Variants in NKAIN2 observed in about 807,000 individuals in gnomAD.
The protein encoded by NKAIN2 is sodium/potassium transporting ATPase interacting 2, also known as sodium/potassium-transporting ATPase subunit beta-1-interacting protein 2.
Under a neutral mutation model 32.6 loss-of-function variants are expected in NKAIN2, and 14 were observed. The observed-to-expected ratio is 0.43, with a 90% CI of 0.28 to 0.67. The LOEUF is 0.67. Ranked by LOEUF, NKAIN2 falls within the 30% of genes least tolerant of loss-of-function variation. The pLI is 0.17. For missense variants in NKAIN2, 198 were observed against 258.3 expected, an observed-to-expected ratio of 0.77 and a Z score of 1.60; for synonymous variants, 80 against 87.2, an observed-to-expected ratio of 0.92 and a Z score of 0.46.
At chr6:124,123,712 A>T (rs1404498602) in intron 1 of NKAIN2, among the ~76,000 whole-genome samples, 2 of 152,166 alleles carry the variant, frequency 1.3e-5, no homozygotes, top group Admixed American at 1.3e-4. Flanking sequence ...TAGTTATGTT[A>T]TAAGTAAATA....
intron 3 of NKAIN2, among the ~76,000 whole-genome samples, chr6:124,561,104 A>G (rs1379993897): frequency 6.6e-6 from 1 of 152,098 alleles, no homozygotes; most frequent in Non-Finnish European, 1.5e-5. Flanking sequence ...CAGGGCACAG[A>G]GCAACAGTGA....
intron 1 of NKAIN2, among the ~76,000 whole-genome samples, chr6:124,247,563 ACT>A (rs1192528600): frequency 6.6e-6 from 1 of 151,888 alleles, no homozygotes; most frequent in Non-Finnish European, 1.5e-5. Flanking sequence ...GTCAAGAAAG[ACT>A]CTCCTGGAGG....
chr6:124,666,860 C>T (rs1772823010), intron 4 of NKAIN2, among the ~76,000 whole-genome samples: 2 of 152,058 alleles, frequency 1.3e-5, no homozygotes, highest in Non-Finnish European at 2.9e-5. Context: ...AGTTGTATAA[C>T]AAGCTGTTTT....
chr6:124,164,353 AT>A (rs1462299841), intron 1 of NKAIN2, among the ~76,000 whole-genome samples: 1 of 152,040 alleles, frequency 6.6e-6, no homozygotes, highest in East Asian at 1.9e-4. Flanking sequence ...TTTAAGGAAA[AT>A]AGTGATACTC....
intron 3 of NKAIN2, among the ~76,000 whole-genome samples, chr6:124,624,920 G>A (rs1034267679): frequency 2.3e-5 from 3 of 129,732 alleles, no homozygotes; most frequent in Admixed American, 7.7e-5. Context: ...ATAGACTAAA[G>A]TGTCTCATTT....
chr6:124,225,392 C>T (rs1382305959), intron 1 of NKAIN2, among the ~76,000 whole-genome samples: 1 of 151,926 alleles, frequency 6.6e-6, no homozygotes, highest in African/African-American at 2.4e-5. Context: ...AATGAGAATG[C>T]TTCTTTCCTA....
At chr6:124,295,009 G>A (rs1795987843) in intron 2 of NKAIN2, among the ~76,000 whole-genome samples, 1 of 152,108 alleles carries the variant, frequency 6.6e-6, no homozygotes. Flanking sequence ...TTATGGGAGT[G>A]TCATGCACTT....
chr6:123,961,134 A>C (rs1777828307), intron 1 of NKAIN2, among the ~76,000 whole-genome samples: 1 of 152,104 alleles, frequency 6.6e-6, no homozygotes, highest in Non-Finnish European at 1.5e-5. Flanking sequence ...AGTGACTAGA[A>C]TTGCAGGTTG....
Position 124,012,331 on chromosome 6 carries a change from A to G in NKAIN2, c.54+208077A>G, listed in dbSNP as rs1582927144. Among the ~76,000 whole-genome samples the G allele has an allele frequency of 1.1e-4, 14 of 124,612 alleles. No individual in the cohort carries two copies. In the Admixed American group the frequency reaches 1.3e-3, roughly 12 times the overall value. The allele number at this position is 124,612 out of a possible 152,430, so 81.8% of individuals were successfully genotyped here. On this transcript the variant is annotated intron_variant, in intron 1 of 6. Coordinates refer to ENST00000368417, the MANE Select transcript of NKAIN2 (RefSeq NM_001040214.3). Reference sequence around the variant, plus strand: ...TTTTGCATGGCTTCTTTCACTCTACATGATTTTTTTTTTTTTTTTTTTGAG... The same window carrying G: ...TTTTGCATGGCTTCTTTCACTCTACGTGATTTTTTTTTTTTTTTTTTTGAG...
chr6:124,795,653 G>A (rs1382759457), intron 5 of NKAIN2, among the ~76,000 whole-genome samples: 5 of 152,134 alleles, frequency 3.3e-5, no homozygotes, highest in Non-Finnish European at 7.4e-5. Context: ...AGTTTTGGGG[G>A]CTGGAAAGTC....
chr6:124,487,671 G>A (rs1325743415), intron 3 of NKAIN2, among the ~76,000 whole-genome samples: 3 of 152,074 alleles, frequency 2.0e-5, no homozygotes, highest in Admixed American at 1.3e-4. Context: ...TTGCCTATCG[G>A]TGATCATTCT....
At chr6:124,493,551 C>T (rs1450201075) in intron 3 of NKAIN2, among the ~76,000 whole-genome samples, 1 of 151,856 alleles carries the variant, frequency 6.6e-6, no homozygotes, top group Non-Finnish European at 1.5e-5. Flanking sequence ...GAACTAATTT[C>T]TATAGTTAAG....
At chr6:124,792,177 C>A (rs569250340) in intron 5 of NKAIN2, among the ~76,000 whole-genome samples, 2 of 152,170 alleles carry the variant, frequency 1.3e-5, no homozygotes, top group South Asian at 4.1e-4. Context: ...GAGGAAAAAT[C>A]AGAATTGGGA....
At position 123,840,118 on chromosome 6, in the gene NKAIN2, A is replaced by T. The variant is rs201175994; in HGVS notation, c.54+35864A>T. ...CCACAGTTTATAACCTTTAGTATTC[A>T]TAAGTATGGCAGGAACAGTAATTGA... On this transcript the variant is annotated intron_variant, in intron 1 of 6. Transcript: ENST00000368417. Among the ~76,000 whole-genome samples the T allele has an allele frequency of 3.3e-5, 5 of 152,068 alleles. No individual in the cohort carries two copies. The East Asian group carries it at 7.7e-4, about 23-fold the overall frequency.
At chr6:124,337,789 T>C (rs931481592) in intron 2 of NKAIN2, among the ~76,000 whole-genome samples, 1 of 152,180 alleles carries the variant, frequency 6.6e-6, no homozygotes, top group Non-Finnish European at 1.5e-5. Flanking sequence ...TGAAAAGAAA[T>C]TGTGTACTAT....
At chr6:124,700,911 GAA>G (rs1774750009) in intron 4 of NKAIN2, among the ~76,000 whole-genome samples, 1 of 128,406 alleles carries the variant, frequency 7.8e-6, no homozygotes, top group South Asian at 2.5e-4. Context: ...CTCTCATCAT[GAA>G]AGAGACAATT....
In NKAIN2 at chr6:124,693,731, G is replaced by A. The variant is rs544384968; in HGVS notation, c.474+35345G>A. Reference sequence around the variant, plus strand: ...AACACAGTTTGGCATTTGTGTGGCTGGAGCACAGGGAGTGTCATACCAGAG... The same window carrying A: ...AACACAGTTTGGCATTTGTGTGGCTAGAGCACAGGGAGTGTCATACCAGAG... On this transcript the variant is annotated intron_variant, in intron 4 of 6. Coordinates refer to ENST00000368417, the MANE Select transcript of NKAIN2 (RefSeq NM_001040214.3). Among the ~76,000 whole-genome samples the A allele has an allele frequency of 7.9e-5, 12 of 152,282 alleles. No homozygotes were observed. The South Asian group carries it at 1.0e-3, about 13-fold the overall frequency.
chr6:124,484,239 G>A (rs943697655), intron 3 of NKAIN2, among the ~76,000 whole-genome samples: 14 of 152,176 alleles, frequency 9.2e-5, no homozygotes, highest in African/African-American at 3.1e-4. Context: ...GGAACATTCT[G>A]GATATCCTTG....
intron 1 of NKAIN2, among the ~76,000 whole-genome samples, chr6:123,928,819 A>G (rs1047497310): frequency 6.6e-6 from 1 of 152,164 alleles, no homozygotes; most frequent in African/African-American, 2.4e-5. Flanking sequence ...GTCCATGGCA[A>G]CATTGTTTAT....
Sources: allele counts gnomAD v4.1 joint callset (sites outside exome capture counted in the v4.1 genomes callset), GRCh38; gene constraint gnomAD v4.1.1; transcripts MANE v1.5; gene names NCBI Gene and HGNC (gene_info 2026-07-23, HGNC 2026-07-21).